WDR27: variants seen among roughly 807,000 people sequenced by gnomAD.
WDR27 encodes WD repeat-containing protein 27.
A neutral mutation model predicts 114.4 loss-of-function variants in WDR27; 100 were observed. The ratio of observed to expected loss-of-function variants is 0.87; its 90% CI spans 0.74 to 1.03. The LOEUF (loss-of-function observed/expected upper bound fraction) is 1.03. Among genes scored for constraint, WDR27 ranks in the 50% least tolerant of loss-of-function variants. The pLI is 0.00. For missense variants in WDR27, 1,129 were observed against 1,092.9 expected, an observed-to-expected ratio of 1.03 and a Z score of -0.47; for synonymous variants, 449 against 423.1, an observed-to-expected ratio of 1.06 and a Z score of -0.75.
intron 25 of WDR27, among the ~76,000 whole-genome samples, chr6:169,567,475 G>A (rs1377970717): frequency 6.6e-6 from 1 of 152,112 alleles, no homozygotes; most frequent in African/African-American, 2.4e-5. Flanking sequence ...GCTAAATGAA[G>A]CCAGGGCAGG....
chr6:169,688,788 T>C (rs753962769), intron 2 of WDR27, 29 bp downstream of exon 2: 1 of 1,547,786 alleles, frequency 6.5e-7, no homozygotes, highest in Admixed American at 1.9e-5. Flanking sequence ...AAGGCCTTCA[T>C]GACACTGGAC....
chr6:169,502,248 G>A (rs746312722), intron 25 of WDR27, among the ~76,000 whole-genome samples: 7 of 152,172 alleles, frequency 4.6e-5, no homozygotes, highest in African/African-American at 1.2e-4. Context: ...GCGCGGCCGC[G>A]GGAGACACCC....
chr6:169,603,522 T>C (rs536740273), intron 22 of WDR27, among the ~76,000 whole-genome samples: 301 of 152,372 alleles, frequency 2.0e-3, no homozygotes, highest in Non-Finnish European at 3.2e-3. Context: ...TCTCTGCATA[T>C]GCAAAGGTCT....
chr6:169,598,132 A>G (rs1807213768), intron 23 of WDR27, among the ~76,000 whole-genome samples: 1 of 152,222 alleles, frequency 6.6e-6, no homozygotes, highest in Non-Finnish European at 1.5e-5. Context: ...GAACCTGAAT[A>G]TGAAGAATGT....
the WDR27 span, among the ~76,000 whole-genome samples, chr6:169,427,560 G>A: frequency 6.6e-6 from 1 of 152,138 alleles, no homozygotes; most frequent in African/African-American, 2.4e-5. Flanking sequence ...CAGAGGACTT[G>A]GGTGAACTCC....
chr6:169,596,344 T>A (rs1462899902), intron 23 of WDR27, among the ~76,000 whole-genome samples: 3 of 152,066 alleles, frequency 2.0e-5, no homozygotes, highest in African/African-American at 7.2e-5. Flanking sequence ...TGTATCCTTT[T>A]TCCCTATTGT....
intron 8 of WDR27, 68 bp downstream of exon 8, chr6:169,664,098 C>T (rs543677145): frequency 7.0e-7 from 1 of 1,432,868 alleles, no homozygotes; most frequent in Non-Finnish European, 9.4e-7. Flanking sequence ...ACCTAGGGCC[C>T]TTGACATGGC....
At chr6:169,437,122 T>G in the WDR27 span, among the ~76,000 whole-genome samples, 2 of 152,302 alleles carry the variant, frequency 1.3e-5, no homozygotes, top group East Asian at 3.9e-4. Flanking sequence ...AATGAGTGAT[T>G]GTTCCAATAT....
At chr6:169,624,224 C>T (rs893590150) in intron 21 of WDR27, among the ~76,000 whole-genome samples, 6 of 144,652 alleles carry the variant, frequency 4.1e-5, no homozygotes, top group East Asian at 2.1e-4. Context: ...GTTCCGTGTG[C>T]GCATCAGGTG....
At position 169,632,990 on chromosome 6, in the gene WDR27, G is replaced by T; in HGVS notation, c.2180C>A (p.Ala727Glu). The T allele has an allele frequency of 6.3e-7, 1 of 1,596,014 alleles. No individual in the cohort carries two copies. The highest frequency in any genetic ancestry group is 8.6e-7 in the Non-Finnish European group (1 of 1,165,774). Residue 727 changes from alanine (A) to glutamate (E), a missense_variant, in exon 21 of 26, where the codon GCG becomes GAG. By Grantham distance (107) the Ala-to-Glu change is moderately radical. Coordinates refer to ENST00000448612, the MANE Select transcript of WDR27 (RefSeq NM_182552.5). ...ATGGACAGGCCGTGAGTGGGCTTCC[G>T]CTATCACCGCTGCACTGCAGCCGGC... is the stretch of plus-strand genomic sequence containing the variant. The part of the protein sequence containing the change: ...LNAGCSAAVI[A>E]EAHSRPVHQI...
chr6:169,439,534 G>T, the WDR27 span, among the ~76,000 whole-genome samples: 1 of 151,906 alleles, frequency 6.6e-6, no homozygotes, highest in African/African-American at 2.4e-5. Flanking sequence ...ATGCTAACAG[G>T]TTCATAAAAC....
the WDR27 span, chr6:169,427,072 C>G: frequency 1.3e-5 from 2 of 152,642 alleles, no homozygotes; most frequent in Admixed American, 1.3e-4. Context: ...GAGGTACAGC[C>G]GCCGGGAAGA....
At chr6:169,696,648 C>T (rs946059991) in intron 1 of WDR27, among the ~76,000 whole-genome samples, 2 of 152,258 alleles carry the variant, frequency 1.3e-5, no homozygotes, top group African/African-American at 4.8e-5. Context: ...GGCACAGTGG[C>T]TCACGCCTGT....
chr6:169,609,836 T>C (rs924108636), intron 22 of WDR27, among the ~76,000 whole-genome samples: 7 of 152,220 alleles, frequency 4.6e-5, no homozygotes, highest in African/African-American at 1.4e-4. Context: ...CAAACTTTTA[T>C]GCCGTTTCCC....
intron 25 of WDR27, among the ~76,000 whole-genome samples, chr6:169,475,894 A>AT (rs527822100): frequency 2.0e-5 from 3 of 152,190 alleles, no homozygotes; most frequent in African/African-American, 7.2e-5. Flanking sequence ...TCTCCTACAT[A>AT]TTTTTTTGGA....
intron 22 of WDR27, among the ~76,000 whole-genome samples, chr6:169,609,684 G>C (rs2473446): frequency 6.6e-6 from 1 of 152,180 alleles, no homozygotes; most frequent in African/African-American, 2.4e-5. Context: ...GACCTCTGAC[G>C]TGTCCTGAAG....
intron 25 of WDR27, among the ~76,000 whole-genome samples, chr6:169,526,332 G>C (rs1023368098): frequency 7.9e-5 from 12 of 152,166 alleles, no homozygotes; most frequent in African/African-American, 2.9e-4. Flanking sequence ...AGCATCCAAG[G>C]CCAGGCGCGG....
At position 169,582,527 on chromosome 6, in the gene WDR27, T is replaced by TAACC. The variant is rs1346658836; in HGVS notation, c.2523+305_2523+308dup. Among the ~76,000 whole-genome samples the TAACC allele has an allele frequency of 5.3e-5, 8 of 152,254 alleles. No individual in the cohort carries two copies. In the East Asian group the frequency reaches 1.5e-3, roughly 29 times the overall value. ...CCATGTAACCGTATTTGTCTACATG[T>TAACC]AACCGTATTTGTCCACAGGTCTTCC... On this transcript the variant is annotated intron_variant, in intron 24 of 25. Transcript: ENST00000448612.
At chr6:169,688,245 G>A (rs951203507) in intron 2 of WDR27, among the ~76,000 whole-genome samples, 1 of 152,126 alleles carries the variant, frequency 6.6e-6, no homozygotes, top group African/African-American at 2.4e-5. Flanking sequence ...TAAACATGCT[G>A]ATTAATCAAA....
Sources: gnomAD v4.1 joint callset for allele counts (sites outside exome capture counted in the v4.1 genomes callset) on GRCh38, gnomAD v4.1.1 for gene constraint, MANE v1.5 for transcripts, NCBI Gene and HGNC (gene_info 2026-07-23, HGNC 2026-07-21) for gene names.